The following ZMYM2 variants were observed in gnomAD, a reference collection of about 807,000 sequenced individuals.
The protein encoded by ZMYM2 is zinc finger MYM-type protein 2.
A neutral mutation model predicts 162.8 loss-of-function variants in ZMYM2; 56 were observed. The observed-to-expected ratio is 0.34, with a 90% CI of 0.28 to 0.43. The LOEUF (loss-of-function observed/expected upper bound fraction) is 0.43. ZMYM2 is among the 20% of genes least tolerant of loss of function. The probability of loss-of-function intolerance (pLI) is 1.00; values close to 1 mark genes in which losing one functional copy is unlikely to be tolerated. For missense variants in ZMYM2, 1,275 were observed against 1,621.8 expected (o/e 0.79, Z 3.67); for synonymous variants, 510 against 541.6 (o/e 0.94, Z 0.81).
intron 12 of ZMYM2, among the ~76,000 whole-genome samples, chr13:20,046,581 A>ATGTGTGTGTGTGTGTG (rs1249162923): frequency 8.5e-6 from 1 of 117,514 alleles, no homozygotes; most frequent in Non-Finnish European, 1.7e-5. Context: ...ATATATATAT[A>ATGTGTGTGTGTGTGTG]TGTGTGTGTG....
At chr13:19,924,107 G>A in the ZMYM2 span, among the ~76,000 whole-genome samples, 5 of 152,014 alleles carry the variant, frequency 3.3e-5, no homozygotes, top group African/African-American at 7.2e-5. Context: ...TTATATTGTC[G>A]TATAGCAGAT....
intron 21 of ZMYM2, among the ~76,000 whole-genome samples, chr13:20,077,136 CCTT>C (rs1192345586): frequency 6.6e-6 from 1 of 150,652 alleles, no homozygotes; most frequent in Non-Finnish European, 1.5e-5. Flanking sequence ...CTATTTGAAA[CCTT>C]CTTTCATTGG....
the ZMYM2 span, among the ~76,000 whole-genome samples, chr13:19,917,215 G>A: frequency 6.6e-6 from 1 of 152,026 alleles, no homozygotes; most frequent in Non-Finnish European, 1.5e-5. Flanking sequence ...GCCCGCCTTG[G>A]CCTCCCAAAG....
At chr13:19,886,245 A>G in the ZMYM2 span, among the ~76,000 whole-genome samples, 1 of 146,002 alleles carries the variant, frequency 6.8e-6, no homozygotes, top group Non-Finnish European at 1.5e-5. Context: ...GCTCATCGCA[A>G]CTTCCGCCTC....
chr13:19,979,326 C>G (rs959263699), intron 2 of ZMYM2, among the ~76,000 whole-genome samples: 7 of 151,648 alleles, frequency 4.6e-5, no homozygotes, highest in African/African-American at 1.7e-4. Context: ...ATTGTTTCTT[C>G]AAATGTTTTG....
intron 21 of ZMYM2, among the ~76,000 whole-genome samples, chr13:20,080,167 A>G (rs988047273): frequency 6.6e-6 from 1 of 152,206 alleles, no homozygotes; most frequent in South Asian, 2.1e-4. Flanking sequence ...AACTAACCCA[A>G]AAGCAGGGGA....
At chr13:20,038,468 C>T (rs999178178) in intron 12 of ZMYM2, among the ~76,000 whole-genome samples, 11 of 152,152 alleles carry the variant, frequency 7.2e-5, no homozygotes, top group African/African-American at 2.7e-4. Flanking sequence ...GGAAGGGGTC[C>T]AGTTTCAGTC....
intron 21 of ZMYM2, among the ~76,000 whole-genome samples, chr13:20,074,465 G>A (rs966494119): frequency 2.0e-5 from 3 of 151,874 alleles, no homozygotes; most frequent in African/African-American, 7.3e-5. Context: ...CGAACTCCTG[G>A]GCCCAAGCAA....
chr13:20,086,025 T>G lies in ZMYM2; in HGVS notation c.*11T>G. 6.2e-7 allele frequency: 1 copy of G among 1,611,606 alleles called. No individual in the cohort carries two copies. The highest frequency in any genetic ancestry group is 8.5e-7 in the Non-Finnish European group (1 of 1,178,898). The stretch of plus-strand genomic sequence containing the variant: ...GAAGACACAGACTAAAAAGGAACGT[T>G]GCAGAAGCAATCGGGATAAAACAGC... On this transcript the variant is annotated 3_prime_UTR_variant, in exon 25 of 25. Transcript: ENST00000610343.
chr13:19,909,953 C>T, the ZMYM2 span, among the ~76,000 whole-genome samples: 6 of 151,652 alleles, frequency 4.0e-5, no homozygotes, highest in Admixed American at 1.3e-4. Context: ...TGGTGGCTCA[C>T]GCCTGTAATC....
At chr13:20,080,300 C>T (rs1957822568) in intron 21 of ZMYM2, among the ~76,000 whole-genome samples, 1 of 152,082 alleles carries the variant, frequency 6.6e-6, no homozygotes, top group South Asian at 2.1e-4. Context: ...GACTAATATT[C>T]CTTTGACTAG....
At position 20,087,177 on chromosome 13, in the gene ZMYM2, C is replaced by G. The variant is rs142582476; in HGVS notation, c.*1163C>G. ...ATATTGCAAATGATTGAGGAACAAACAAAGAAACTAATAGAGAAAGTCAGT... is the reference window on the plus strand; with the variant it reads ...ATATTGCAAATGATTGAGGAACAAAGAAAGAAACTAATAGAGAAAGTCAGT... On this transcript the variant is annotated 3_prime_UTR_variant, in exon 25 of 25. Coordinates refer to ENST00000610343, the MANE Select transcript of ZMYM2 (RefSeq NM_197968.4). 48 of 185,938 alleles carry G rather than the reference C, an allele frequency of 2.6e-4. No individual in the cohort carries two copies. The East Asian group carries it at 3.6e-3, about 14-fold the overall frequency. The allele number at this position is 185,938 out of a possible 1,614,324, so 11.5% of individuals were successfully genotyped here.
At chr13:19,955,946 G>A (rs565402457), upstream of ZMYM2, among the ~76,000 whole-genome samples, 150 of 152,340 alleles carry the variant, frequency 9.8e-4, no homozygotes, top group African/African-American at 3.4e-3. Flanking sequence ...GACAGGTACA[G>A]AATAGATTAA....
At chr13:19,885,954 C>T in the ZMYM2 span, among the ~76,000 whole-genome samples, 17 of 78,576 alleles carry the variant, frequency 2.2e-4, 5 homozygotes, top group African/African-American at 7.3e-4. Context: ...TGTATATACA[C>T]ATATATATGT....
chr13:19,997,204 G>A (rs966958756), intron 3 of ZMYM2, among the ~76,000 whole-genome samples: 2 of 152,140 alleles, frequency 1.3e-5, no homozygotes, highest in African/African-American at 4.8e-5. Flanking sequence ...ATTTATATAA[G>A]TTTTAATGGC....
chr13:19,877,228 A>AC, the ZMYM2 span, among the ~76,000 whole-genome samples: 175 of 151,554 alleles, frequency 1.2e-3, 1 homozygote, highest in African/African-American at 4.0e-3. Context: ...AAAAAAAAAA[A>AC]CAAAGAAGTT....
the ZMYM2 span, among the ~76,000 whole-genome samples, chr13:19,899,268 A>G: frequency 1.3e-5 from 2 of 151,910 alleles, no homozygotes; most frequent in East Asian, 3.9e-4. Flanking sequence ...CCACTTCTGA[A>G]ATAAATAAAT....
At chr13:19,929,284 G>T in the ZMYM2 span, among the ~76,000 whole-genome samples, 1 of 151,816 alleles carries the variant, frequency 6.6e-6, no homozygotes, top group Non-Finnish European at 1.5e-5. Context: ...TGTCGCCCAG[G>T]TTGGAGTGCA....
chr13:19,885,676 T>G, the ZMYM2 span, among the ~76,000 whole-genome samples: 1 of 151,736 alleles, frequency 6.6e-6, no homozygotes, highest in Non-Finnish European at 1.5e-5. Flanking sequence ...CCCTCTCTAC[T>G]AAAAATACAA....
Sources: allele counts gnomAD v4.1 joint callset (sites outside exome capture counted in the v4.1 genomes callset), GRCh38; gene constraint gnomAD v4.1.1; transcripts MANE v1.5; gene names NCBI Gene and HGNC (gene_info 2026-07-23, HGNC 2026-07-21).